The following MTUS2 variants were observed in gnomAD, a reference collection of about 807,000 sequenced individuals.
MTUS2 encodes microtubule associated scaffold protein 2.
A neutral mutation model predicts 114.1 loss-of-function variants in MTUS2; 40 were observed. The ratio of observed to expected loss-of-function variants is 0.35; its 90% confidence interval spans 0.27 to 0.46. The LOEUF (loss-of-function observed/expected upper bound fraction) is 0.46. Ranked by LOEUF, MTUS2 falls within the 20% of genes least tolerant of loss-of-function variation. The pLI, the probability that MTUS2 is intolerant of heterozygous loss-of-function variation, is 1.00. For synonymous variants in MTUS2, 688 were observed against 672.0 expected (o/e 1.02, Z -0.37); for missense variants, 1,679 against 1,705.4 (o/e 0.98, Z 0.27).
intron 4 of MTUS2, among the ~76,000 whole-genome samples, chr13:29,050,597 C>G (rs1051240514): frequency 6.6e-6 from 1 of 152,184 alleles, no homozygotes; most frequent in Non-Finnish European, 1.5e-5. Flanking sequence ...CATCTTACCC[C>G]CCTCTTCACA....
At chr13:29,107,841 A>G (rs999325075) in intron 5 of MTUS2, among the ~76,000 whole-genome samples, 1 of 152,208 alleles carries the variant, frequency 6.6e-6, no homozygotes, top group African/African-American at 2.4e-5. Flanking sequence ...AAGATCAAGT[A>G]TAGATATTCT....
At chr13:28,930,830 C>G (rs1881576590) in intron 2 of MTUS2, among the ~76,000 whole-genome samples, 1 of 151,990 alleles carries the variant, frequency 6.6e-6, no homozygotes, top group Non-Finnish European at 1.5e-5. Flanking sequence ...TATTAGTAAC[C>G]CTAGAGCTGT....
intron 7 of MTUS2, among the ~76,000 whole-genome samples, chr13:29,333,535 C>T (rs893892059): frequency 1.3e-5 from 2 of 152,162 alleles, no homozygotes; most frequent in Non-Finnish European, 2.9e-5. Flanking sequence ...AATTTGATTG[C>T]ACTGTGGTCT....
At chr13:29,337,433 G>T (rs113937580) in intron 7 of MTUS2, among the ~76,000 whole-genome samples, 11,464 of 152,046 alleles carry the variant, frequency 0.075, 1,370 homozygotes, top group African/African-American at 0.25. Flanking sequence ...CCCAGAGGAG[G>T]CAGTGCCCCA....
At position 28,825,214 on chromosome 13, in the gene MTUS2, C is replaced by A. The variant is rs139721951; in HGVS notation, c.-316+4603C>A. 2.0e-3 allele frequency among the ~76,000 whole-genome samples: 299 copies of A among 152,256 alleles called. 1 individual carries two copies. The highest frequency in any genetic ancestry group is 6.7e-3 in the African/African-American group (279 of 41,548). On this transcript the variant is annotated intron_variant, in intron 1 of 15. Transcript: ENST00000612955. ...CAGGGCATCGGAATCCAGCCTAGAC[C>A]ATACCTGAATAGGAGTAAGGAATGA... is the stretch of plus-strand genomic sequence containing the variant.
chr13:28,931,320 C>T (rs1881604540), intron 2 of MTUS2, among the ~76,000 whole-genome samples: 1 of 152,224 alleles, frequency 6.6e-6, no homozygotes, highest in African/African-American at 2.4e-5. Flanking sequence ...GGCTTTGTGT[C>T]TCCACCCAAA....
chr13:29,268,411 T>C (rs1181061597), intron 5 of MTUS2, among the ~76,000 whole-genome samples: 2 of 152,150 alleles, frequency 1.3e-5, no homozygotes, highest in Non-Finnish European at 2.9e-5. Flanking sequence ...ACTCCCGTTT[T>C]ACTCTGTGTG....
intron 1 of MTUS2, among the ~76,000 whole-genome samples, chr13:28,822,556 C>T (rs1189948988): frequency 6.6e-6 from 1 of 152,170 alleles, no homozygotes; most frequent in Non-Finnish European, 1.5e-5. Flanking sequence ...CTATCTCCAG[C>T]AGAGGCAGAT....
At chr13:29,420,830 C>T (rs1323538537) in intron 8 of MTUS2, among the ~76,000 whole-genome samples, 1 of 152,082 alleles carries the variant, frequency 6.6e-6, no homozygotes, top group African/African-American at 2.4e-5. Context: ...TCCAAATATA[C>T]AGAAACTTAA....
At chr13:29,282,586 G>A (rs1292943925) in intron 6 of MTUS2, among the ~76,000 whole-genome samples, 2 of 152,182 alleles carry the variant, frequency 1.3e-5, no homozygotes, top group Non-Finnish European at 2.9e-5. Context: ...AGGGATGTTT[G>A]TGTATCTTGT....
At chr13:29,235,695 A>T (rs1360559467) in intron 5 of MTUS2, among the ~76,000 whole-genome samples, 1 of 152,218 alleles carries the variant, frequency 6.6e-6, no homozygotes, top group African/African-American at 2.4e-5. Context: ...ACCAATAATT[A>T]ACAGACTTCT....
At chr13:29,204,255 G>A (rs1401696515) in intron 5 of MTUS2, among the ~76,000 whole-genome samples, 1 of 152,172 alleles carries the variant, frequency 6.6e-6, no homozygotes, top group African/African-American at 2.4e-5. Context: ...ACCATGCCCG[G>A]CCATGACTGG....
intron 2 of MTUS2, among the ~76,000 whole-genome samples, chr13:29,019,770 T>C (rs1886217224): frequency 6.6e-6 from 1 of 152,226 alleles, no homozygotes; most frequent in Non-Finnish European, 1.5e-5. Flanking sequence ...ATGGTGCAGT[T>C]AGAATTGAAG....
chr13:29,145,240 G>GT (rs1454351958), intron 5 of MTUS2, among the ~76,000 whole-genome samples: 2 of 152,134 alleles, frequency 1.3e-5, no homozygotes, highest in Non-Finnish European at 2.9e-5. Flanking sequence ...TCATAAATGA[G>GT]TAAGGACACA....
rs535398888 is a variant in MTUS2 at position 29,037,500 on chromosome 13, C to A, written c.2446+3375C>A. ...TATAATTATGTGTCTTGGGGTTGCT[C>A]TTCTTGAGGAGTATCTTTGTGATGT... On this transcript the variant is annotated intron_variant, in intron 4 of 15. Transcript: ENST00000612955. 2.6e-5 allele frequency among the ~76,000 whole-genome samples: 4 copies of A among 152,196 alleles called. No homozygotes were observed. In the South Asian group the frequency reaches 8.3e-4, roughly 32 times the overall value.
chr13:29,436,805 CCTTT>C (rs1877440728), intron 8 of MTUS2, among the ~76,000 whole-genome samples: 1 of 125,338 alleles, frequency 8.0e-6, no homozygotes, highest in South Asian at 2.9e-4. Context: ...CCCCTTCCTT[CCTTT>C]CTTTTCTTGC....
At chr13:28,924,920 C>T (rs149706354) in intron 2 of MTUS2, among the ~76,000 whole-genome samples, 14 of 151,918 alleles carry the variant, frequency 9.2e-5, no homozygotes, top group East Asian at 1.9e-4. Context: ...GTACACACAT[C>T]GCCTTCTGCT....
At chr13:29,319,447 G>T (rs1438061339) in intron 6 of MTUS2, among the ~76,000 whole-genome samples, 1 of 152,188 alleles carries the variant, frequency 6.6e-6, no homozygotes, top group African/African-American at 2.4e-5. Context: ...ATCAGCAGCT[G>T]CTCCAGGCCC....
chr13:29,022,461 A>T (rs193143062), intron 2 of MTUS2, among the ~76,000 whole-genome samples: 27 of 152,318 alleles, frequency 1.8e-4, no homozygotes, highest in Admixed American at 1.7e-3. Context: ...AAGCGTTGGG[A>T]TTACAGGTGT....
Sources: gnomAD v4.1 joint callset for allele counts (sites outside exome capture counted in the v4.1 genomes callset) on GRCh38, gnomAD v4.1.1 for gene constraint, MANE v1.5 for transcripts, NCBI Gene and HGNC (gene_info 2026-07-23, HGNC 2026-07-21) for gene names.